Variants in LYST observed in about 807,000 individuals in gnomAD.
LYST encodes the protein lysosomal trafficking regulator, also known as lysosomal-trafficking regulator.
In LYST, 192 loss-of-function variants were observed where a neutral mutation model predicts 413.6. That is an observed-to-expected ratio of 0.46 (90% CI 0.41 to 0.52). LYST has a LOEUF of 0.52. Among genes scored for constraint, LYST ranks in the 20% least tolerant of loss-of-function variants. The pLI is 0.00. For missense variants in LYST, 3,815 were observed against 4,499.9 expected (o/e 0.85, Z 4.35); for synonymous variants, 1,525 against 1,567.3 (o/e 0.97, Z 0.64).
rs754011092 is a variant in LYST, at chr1:235,780,964, G to A, written c.5115C>T (p.Val1705=). 1.2e-6 allele frequency: 2 copies of A among 1,605,766 alleles called. No homozygotes were observed. The highest frequency in any genetic ancestry group is 8.5e-7 in the Non-Finnish European group (1 of 1,173,638). Reference sequence around the variant, plus strand: ...TATTAATATATTTGGAGTAGTCATTGACTGGCTTGCCATACTTACATGGCA... The same window carrying A: ...TATTAATATATTTGGAGTAGTCATTAACTGGCTTGCCATACTTACATGGCA... ...SVMPCKYGKP[V]NDYSKYINKE... Residue 1705 remains valine, a synonymous_variant, in exon 16 of 53, where the codon GTC becomes GTT. Transcript: ENST00000389793.
intron 1 of LYST, among the ~76,000 whole-genome samples, chr1:235,882,078 T>TCACA (rs71174466): frequency 0.037 from 5,368 of 145,696 alleles, 115 homozygotes; most frequent in South Asian, 0.099. Context: ...ACTCTTTCTT[T>TCACA]CACACACACA....
intron 1 of LYST, among the ~76,000 whole-genome samples, chr1:235,866,341 A>G (rs963819554): frequency 6.6e-6 from 1 of 150,528 alleles, no homozygotes; most frequent in Non-Finnish European, 1.5e-5. Context: ...CAGGTGGGCG[A>G]GCGCCGCAGG....
upstream of LYST, among the ~76,000 whole-genome samples, chr1:235,871,532 A>C (rs1680924211): frequency 6.6e-6 from 1 of 152,178 alleles, no homozygotes; most frequent in South Asian, 2.1e-4. Context: ...CATATAATAT[A>C]CTCATTAATT....
chr1:235,731,436 T>A (rs1664367827), intron 34 of LYST, among the ~76,000 whole-genome samples: 1 of 152,182 alleles, frequency 6.6e-6, no homozygotes, highest in Non-Finnish European at 1.5e-5. Flanking sequence ...AACTATTAAA[T>A]TTTTTAAAAG....
Position 235,758,928 on chromosome 1 carries a change from T to C in LYST, c.6881+44A>G, listed in dbSNP as rs3738519. On this transcript the variant is annotated intron_variant, in intron 23 of 52. Transcript: ENST00000389793. ...AGAGGGGTAGAGAGTCTTTAAAGAA[T>C]AGTAAAATAAAGGTGGGAGGAGTGT... 0.26 allele frequency: 411,325 copies of C among 1,590,076 alleles called. 56,756 individuals are homozygous for C. The highest frequency in any genetic ancestry group is 0.42 in the African/African-American group (31,173 of 74,426).
chr1:235,864,855 G>C (rs148731121), intron 1 of LYST, among the ~76,000 whole-genome samples: 9 of 152,118 alleles, frequency 5.9e-5, no homozygotes, highest in Non-Finnish European at 1.3e-4. Context: ...CCTGAGCCTG[G>C]GAAGTCGAGG....
chr1:235,677,280 T>C (rs915130917), intron 49 of LYST, 92 bp from the exon 50 acceptor site: 36 of 1,112,414 alleles, frequency 3.2e-5, no homozygotes, highest in African/African-American at 3.0e-4. Flanking sequence ...TATGTACCTA[T>C]TGTACATAAG....
Position 235,876,585 on chromosome 1 carries a change from G to A in LYST, n.454+6602C>T, listed in dbSNP as rs374933446. Among the ~76,000 whole-genome samples the A allele has an allele frequency of 3.1e-4, 47 of 152,320 alleles. 1 individual carries two copies. Among genetic ancestry groups the A allele is most frequent in the East Asian group, 1.2e-3 (6 of 5,186 alleles). The stretch of plus-strand genomic sequence containing the variant: ...TTGCTAGAGCTTATTATTATACTTG[G>A]GGAGATTTTATTTAAATTCTGATTT... On this transcript the variant is annotated intron_variant and non_coding_transcript_variant, in intron 1 of 11. Transcript: ENST00000465349.
Position 235,847,445 on chromosome 1 carries a change from G to C in LYST, c.-97-13778C>G, listed in dbSNP as rs562434853. 2.6e-5 allele frequency among the ~76,000 whole-genome samples: 4 copies of C among 152,102 alleles called. No individual in the cohort carries two copies. In the East Asian group the frequency reaches 7.7e-4, roughly 29 times the overall value. ...ACCTCTTCAAAGCATAAATCACACA[G>C]GGCCTATAGAACAAAAATGCAAGTT... is the stretch of plus-strand genomic sequence containing the variant. On this transcript the variant is annotated intron_variant, in intron 1 of 52. Transcript: ENST00000389793.
At chr1:235,721,664 A>G (rs999881629) in intron 39 of LYST, among the ~76,000 whole-genome samples, 1 of 152,218 alleles carries the variant, frequency 6.6e-6, no homozygotes, top group African/African-American at 2.4e-5. Context: ...GTTGTGGAAT[A>G]GGCAAAACCA....
intron 48 of LYST, among the ~76,000 whole-genome samples, chr1:235,679,064 A>G (rs2103039719): frequency 6.6e-6 from 1 of 152,368 alleles, no homozygotes; most frequent in Non-Finnish European, 1.5e-5. Flanking sequence ...TCAAAAGACC[A>G]GGCAATACCA....
intron 11 of LYST, among the ~76,000 whole-genome samples, chr1:235,792,459 C>T (rs1313427637): frequency 1.3e-5 from 2 of 150,588 alleles, no homozygotes; most frequent in African/African-American, 2.4e-5. Flanking sequence ...GCATTACAGG[C>T]ACCCACCACC....
intron 48 of LYST, among the ~76,000 whole-genome samples, chr1:235,680,357 G>A (rs969357276): frequency 1.3e-5 from 2 of 152,230 alleles, no homozygotes; most frequent in South Asian, 4.1e-4. Context: ...CTGGGCTTAA[G>A]TGATCCTCCC....
intron 48 of LYST, among the ~76,000 whole-genome samples, chr1:235,678,142 T>A (rs553716043): frequency 3.2e-4 from 49 of 152,254 alleles, no homozygotes; most frequent in Non-Finnish European, 1.8e-4. Flanking sequence ...ATTAAAGTTT[T>A]TTAAGAAGAA....
intron 2 of LYST, among the ~76,000 whole-genome samples, chr1:235,832,878 A>G (rs1676145154): frequency 6.6e-6 from 1 of 152,010 alleles, no homozygotes. Flanking sequence ...TATGAATGGG[A>G]TTTTGTTTTC....
chr1:235,723,980 C>T (rs753643977), intron 39 of LYST, 48 bp downstream of exon 39: 1 of 1,489,286 alleles, frequency 6.7e-7, no homozygotes. Context: ...GTTACAGTGG[C>T]CCATGAGCAC....
At chr1:235,802,797 T>C in intron 8 of LYST, 111 bp downstream of exon 8, 1 of 949,060 alleles carries the variant, frequency 1.1e-6, no homozygotes, top group South Asian at 1.4e-5. Flanking sequence ...GCAACACACT[T>C]GTTAAACTGT....
At position 235,664,356 on chromosome 1, in the gene LYST, A is replaced by T; in HGVS notation, c.11195+109T>A. 9.6e-7 allele frequency: 1 copy of T among 1,046,640 alleles called. No individual in the cohort carries two copies. Among genetic ancestry groups the T allele is most frequent in the Non-Finnish European group, 1.4e-6 (1 of 697,658 alleles). 64.8% of individuals were successfully genotyped at this position (1,046,640 alleles called of 1,614,324 possible). On this transcript the variant is annotated intron_variant, in intron 51 of 52. Coordinates refer to ENST00000389793, the MANE Select transcript of LYST (RefSeq NM_000081.4). This position sits in a 1 kb window ranked among gnomAD's most constrained non-coding sequence, Gnocchi z 4.5. ...AGAACCTACACCCCAAGGTGAGTTT[A>T]AATCTCTAAATACTGAATATTAATA...
chr1:235,846,673 G>GA (rs1158318955), intron 1 of LYST, among the ~76,000 whole-genome samples: 6 of 151,496 alleles, frequency 4.0e-5, no homozygotes, highest in South Asian at 2.1e-4. Flanking sequence ...ATAGCATAAA[G>GA]AAAAAAAACA....
Sources: allele counts gnomAD v4.1 joint callset (sites outside exome capture counted in the v4.1 genomes callset), GRCh38; gene constraint gnomAD v4.1.1; non-coding constraint Gnocchi (gnomAD v3.1); transcripts MANE v1.5; gene names NCBI Gene and HGNC (gene_info 2026-07-23, HGNC 2026-07-21).